ZNF385D: variants seen among roughly 807,000 people sequenced by gnomAD.
ZNF385D encodes the protein zinc finger protein 385D.
In ZNF385D, 15 loss-of-function variants were observed where a neutral mutation model predicts 35.8. That is an observed-to-expected ratio of 0.42 (90% CI 0.28 to 0.64). The LOEUF (loss-of-function observed/expected upper bound fraction) is 0.64, where lower values mean the gene tolerates loss of function less well. Ranked by LOEUF, ZNF385D falls within the 30% of genes least tolerant of loss-of-function variation. The pLI, the probability that ZNF385D is intolerant of heterozygous loss-of-function variation, is 0.23. For missense variants in ZNF385D, 474 were observed against 494.6 expected, an observed-to-expected ratio of 0.96 and a Z score of 0.39; for synonymous variants, 212 against 186.8, an observed-to-expected ratio of 1.13 and a Z score of -1.10.
At chr3:21,652,605 C>T (rs1006745702) in intron 2 of ZNF385D, among the ~76,000 whole-genome samples, 16 of 151,502 alleles carry the variant, frequency 1.1e-4, no homozygotes, top group Non-Finnish European at 1.9e-4. Context: ...GGTATATCTC[C>T]CAATGCTATC....
At chr3:21,591,387 G>C (rs1015224442) in intron 2 of ZNF385D, among the ~76,000 whole-genome samples, 1 of 151,998 alleles carries the variant, frequency 6.6e-6, no homozygotes, top group Non-Finnish European at 1.5e-5. Flanking sequence ...CTCTCAGGAG[G>C]GGGGAACATC....
chr3:21,710,026 T>C (rs1269949737), intron 1 of ZNF385D, among the ~76,000 whole-genome samples: 1 of 152,192 alleles, frequency 6.6e-6, no homozygotes, highest in East Asian at 1.9e-4. Context: ...ATGATTGAGA[T>C]GAGCCAGTTT....
At chr3:22,036,434 A>G (rs1020750601) in intron 3 of ZNF385D, among the ~76,000 whole-genome samples, 68 of 152,322 alleles carry the variant, frequency 4.5e-4, no homozygotes, top group African/African-American at 1.5e-3. Context: ...AGTAATATCA[A>G]TTGACAAGAA....
chr3:22,246,802 T>C (rs902531888), intron 2 of ZNF385D, among the ~76,000 whole-genome samples: 4 of 152,240 alleles, frequency 2.6e-5, no homozygotes, highest in Middle Eastern at 3.4e-3. Context: ...CTCTTAAGCC[T>C]TTTTTACTTT....
At chr3:21,835,199 C>T (rs1018990574) in intron 3 of ZNF385D, among the ~76,000 whole-genome samples, 5 of 150,662 alleles carry the variant, frequency 3.3e-5, no homozygotes, top group African/African-American at 1.2e-4. Flanking sequence ...AAGAGATGCT[C>T]AACAGCTAAG....
At chr3:22,069,719 T>C (rs764956286) in intron 3 of ZNF385D, among the ~76,000 whole-genome samples, 4 of 152,176 alleles carry the variant, frequency 2.6e-5, no homozygotes, top group Non-Finnish European at 5.9e-5. Flanking sequence ...GGCCCTTTTT[T>C]AGATGTGAAG....
chr3:21,819,698 A>T (rs370344465), intron 3 of ZNF385D, among the ~76,000 whole-genome samples: 1 of 146,510 alleles, frequency 6.8e-6, no homozygotes, highest in Admixed American at 6.9e-5. Context: ...GTACGTGTGT[A>T]TATATATACA....
intron 3 of ZNF385D, among the ~76,000 whole-genome samples, chr3:22,082,922 A>G (rs1700832785): frequency 6.6e-6 from 1 of 152,190 alleles, no homozygotes; most frequent in African/African-American, 2.4e-5. Flanking sequence ...TGCTGGTGAT[A>G]CCCAGGCAAA....
At chr3:21,551,219 T>C (rs2062557485) in intron 3 of ZNF385D, among the ~76,000 whole-genome samples, 1 of 152,158 alleles carries the variant, frequency 6.6e-6, no homozygotes, top group African/African-American at 2.4e-5. Flanking sequence ...ACATAGATCT[T>C]CCTCCATGCC....
intron 3 of ZNF385D, among the ~76,000 whole-genome samples, chr3:22,113,293 T>C (rs1462564257): frequency 1.3e-5 from 2 of 152,090 alleles, no homozygotes; most frequent in African/African-American, 4.8e-5. Context: ...ATGAAGATAA[T>C]AGGTAATGCT....
rs751739275 is a variant in ZNF385D at position 21,437,701 on chromosome 3, C to CAAAA, written c.440-502_440-499dup. On this transcript the variant is annotated intron_variant, in intron 4 of 7. Coordinates refer to ENST00000281523, the MANE Select transcript of ZNF385D (RefSeq NM_024697.3). ...ACAGATCCTTTTGCAAATGCTTATA[C>CAAAA]AAAAAAAAAAAAAAAAAACCGGAAC... is the stretch of plus-strand genomic sequence containing the variant. 4.8e-4 allele frequency among the ~76,000 whole-genome samples: 37 copies of CAAAA among 77,200 alleles called. 1 individual carries two copies. The Admixed American group carries it at 5.5e-3, about 11-fold the overall frequency. The allele number at this position is 77,200 out of a possible 152,430, so 50.6% of individuals were successfully genotyped here.
In ZNF385D at chr3:22,002,855, G is replaced by A. The variant is rs188845152; in HGVS notation, c.325+165962C>T. On this transcript the variant is annotated intron_variant, in intron 3 of 5. Coordinates refer to the ZNF385D transcript ENST00000494108. Reference sequence around the variant, plus strand: ...AACAAAGCCAATGATTATCTCAATAGATGTAGAAAAATTCAACATCCCTTC... The same window carrying A: ...AACAAAGCCAATGATTATCTCAATAAATGTAGAAAAATTCAACATCCCTTC... 2.0e-5 allele frequency among the ~76,000 whole-genome samples: 3 copies of A among 152,140 alleles called. No individual in the cohort carries two copies. The East Asian group carries it at 5.8e-4, about 29-fold the overall frequency.
intron 2 of ZNF385D, among the ~76,000 whole-genome samples, chr3:22,305,069 G>T (rs1020109828): frequency 2.6e-5 from 4 of 151,786 alleles, no homozygotes; most frequent in Non-Finnish European, 5.9e-5. Flanking sequence ...ATCTCATCCA[G>T]TTCTCTTTTA....
intron 3 of ZNF385D, among the ~76,000 whole-genome samples, chr3:21,929,172 C>T (rs571497722): frequency 2.0e-5 from 3 of 151,640 alleles, no homozygotes; most frequent in Non-Finnish European, 4.4e-5. Flanking sequence ...TGGATTATAC[C>T]CAGAAATAAA....
intron 4 of ZNF385D, among the ~76,000 whole-genome samples, chr3:21,498,211 A>C (rs1169328123): frequency 6.6e-6 from 1 of 152,198 alleles, no homozygotes; most frequent in Non-Finnish European, 1.5e-5. Flanking sequence ...ATATAGAAAA[A>C]TCAACTCAAG....
intron 4 of ZNF385D, among the ~76,000 whole-genome samples, chr3:21,470,531 T>C (rs1378273173): frequency 6.6e-6 from 1 of 152,120 alleles, no homozygotes; most frequent in Non-Finnish European, 1.5e-5. Flanking sequence ...CAAAATAAAC[T>C]GATGACATGA....
chr3:21,519,435 G>C (rs1707779571), intron 3 of ZNF385D, among the ~76,000 whole-genome samples: 1 of 152,156 alleles, frequency 6.6e-6, no homozygotes, highest in South Asian at 2.1e-4. Context: ...TGATATAGTA[G>C]AGAGTGCTTA....
chr3:21,704,968 T>TA (rs1361157110), intron 1 of ZNF385D, among the ~76,000 whole-genome samples: 1 of 152,156 alleles, frequency 6.6e-6, no homozygotes, highest in Non-Finnish European at 1.5e-5. Context: ...GGCTTGGTGG[T>TA]AACCATGGTA....
chr3:21,771,024 G>A (rs1330883094), intron 3 of ZNF385D, among the ~76,000 whole-genome samples: 1 of 149,164 alleles, frequency 6.7e-6, no homozygotes, highest in African/African-American at 2.5e-5. Context: ...CTCACTCATA[G>A]GTGGGAATTG....
Sources: gnomAD v4.1 joint callset for allele counts (sites outside exome capture counted in the v4.1 genomes callset) on GRCh38, gnomAD v4.1.1 for gene constraint, MANE v1.5 for transcripts, NCBI Gene and HGNC (gene_info 2026-07-23, HGNC 2026-07-21) for gene names.